Variants in GNAO1 observed in about 807,000 individuals in gnomAD.
GNAO1 encodes the protein guanine nucleotide-binding protein G(o) subunit alpha.
For missense variants in GNAO1, 166 were observed against 478.7 expected, an observed-to-expected ratio of 0.35 and a Z score of 6.10; for synonymous variants, 164 against 180.7, an observed-to-expected ratio of 0.91 and a Z score of 0.74.
At chr16:56,319,798 C>A (rs1489385067) in intron 3 of GNAO1, among the ~76,000 whole-genome samples, 1 of 152,106 alleles carries the variant, frequency 6.6e-6, no homozygotes, top group Non-Finnish European at 1.5e-5. Context: ...CCATGCTCCC[C>A]ACCCCTCTCA....
At chr16:56,294,144 C>A (rs2037259694) in intron 3 of GNAO1, among the ~76,000 whole-genome samples, 1 of 152,170 alleles carries the variant, frequency 6.6e-6, no homozygotes, top group Admixed American at 6.5e-5. Context: ...CTAGGCCAGG[C>A]TCTGCGAGGG....
At chr16:56,249,131 C>A (rs1456993084) in intron 2 of GNAO1, among the ~76,000 whole-genome samples, 1 of 152,104 alleles carries the variant, frequency 6.6e-6, no homozygotes, top group Non-Finnish European at 1.5e-5. Context: ...CAACAGATTT[C>A]CTTTCATATT....
intron 3 of GNAO1, chr16:56,302,974 C>A (rs910654895): frequency 6.6e-6 from 1 of 152,202 alleles, no homozygotes; most frequent in Non-Finnish European, 1.5e-5. Flanking sequence ...AATGCTGTGA[C>A]AAGGAACCAG....
At chr16:56,217,149 A>C (rs531137748) in intron 2 of GNAO1, among the ~76,000 whole-genome samples, 70 of 152,306 alleles carry the variant, frequency 4.6e-4, no homozygotes, top group Non-Finnish European at 9.3e-4. Flanking sequence ...TTGATTGGTA[A>C]GTTTTTTCAT....
chr16:56,309,706 G>A (rs1337873498), intron 3 of GNAO1, among the ~76,000 whole-genome samples: 2 of 152,184 alleles, frequency 1.3e-5, no homozygotes, highest in Non-Finnish European at 2.9e-5. Flanking sequence ...CCTGTTTCCA[G>A]TCCCACCACC....
chr16:56,329,750 AT>A lies in GNAO1; in HGVS notation c.464+960del, dbSNP rs1362644630. Among the ~76,000 whole-genome samples the A allele has an allele frequency of 9.8e-5, 15 of 152,298 alleles. No individual in the cohort carries two copies. In the East Asian group the frequency reaches 2.7e-3, roughly 27 times the overall value. ...CACTAGCTGGGAAGATTCTGACATG[AT>A]CCAGTCCAGCCATTTTCACCAGGTC... On this transcript the variant is annotated intron_variant, in intron 4 of 8. Transcript: ENST00000262493.
At chr16:56,339,758 C>A in intron 6 of GNAO1, 1 of 153,336 alleles carries the variant, frequency 6.5e-6, no homozygotes, top group Non-Finnish European at 1.5e-5. Context: ...ACGGTCGCCT[C>A]CACTGCCTGC....
chr16:56,300,036 T>TGTGTGTGTGTGTGTGTGTGTGTGCGC (rs753591618), intron 3 of GNAO1, among the ~76,000 whole-genome samples: 3 of 95,112 alleles, frequency 3.2e-5, no homozygotes, highest in African/African-American at 9.5e-5. Flanking sequence ...TGTGTGTGTG[T>TGTGTGTGTGTGTGTGTGTGTGTGCGC]GCGCGCGCGC....
intron 2 of GNAO1, chr16:56,213,433 A>G (rs1278160336): frequency 2.5e-6 from 1 of 397,892 alleles, no homozygotes; most frequent in African/African-American, 2.1e-5. Flanking sequence ...TCAGCTGGTG[A>G]CAAGTGCTAT....
At chr16:56,289,330 T>C (rs2037207333) in intron 3 of GNAO1, among the ~76,000 whole-genome samples, 7 of 152,094 alleles carry the variant, frequency 4.6e-5, no homozygotes. Flanking sequence ...ATGAGAGTGG[T>C]TCAGGGTTGT....
intron 3 of GNAO1, among the ~76,000 whole-genome samples, chr16:56,304,995 C>G (rs924217861): frequency 3.3e-5 from 5 of 152,210 alleles, no homozygotes; most frequent in Non-Finnish European, 7.3e-5. Flanking sequence ...TTATTCTGCT[C>G]CCCCTGTGAC....
chr16:56,272,194 A>G (rs1344787531), intron 2 of GNAO1, among the ~76,000 whole-genome samples: 1 of 152,178 alleles, frequency 6.6e-6, no homozygotes, highest in African/African-American at 2.4e-5. Context: ...CTGTAGTCCC[A>G]GCTACTTGGG....
rs146353332 is a variant in GNAO1 at position 56,283,678 on chromosome 16, T to C, written c.303+7606T>C. ...CCCCTGGGGCTTAGAGATACTTTAG[T>C]GGTAGTTGTTAGATCTGACGAGGGC... On this transcript the variant is annotated intron_variant, in intron 3 of 8. Coordinates refer to ENST00000262493, the MANE Select transcript of GNAO1 (RefSeq NM_020988.3). Among the ~76,000 whole-genome samples, 689 of 152,206 alleles carry C rather than the reference T, an allele frequency of 4.5e-3. 10 individuals are homozygous for C. Among genetic ancestry groups the C allele is most frequent in the African/African-American group, 0.015 (635 of 41,528 alleles).
intron 4 of GNAO1, among the ~76,000 whole-genome samples, chr16:56,329,545 T>C (rs77947838): frequency 0.013 from 2,010 of 152,288 alleles, 47 homozygotes; most frequent in African/African-American, 0.046. Context: ...GCCCTTGGCC[T>C]CTAGATTGGA....
intron 6 of GNAO1, among the ~76,000 whole-genome samples, chr16:56,337,120 CT>C (rs1198840974): frequency 1.2e-4 from 19 of 152,200 alleles, no homozygotes; most frequent in African/African-American, 4.3e-4. Context: ...GAATGTGCCT[CT>C]TCCATAAACT....
At chr16:56,236,131 C>A (rs1567449309) in intron 2 of GNAO1, among the ~76,000 whole-genome samples, 1 of 152,130 alleles carries the variant, frequency 6.6e-6, no homozygotes. Flanking sequence ...TGAGATCTTT[C>A]CTAAAGATGA....
At chr16:56,236,149 G>A (rs1295936895) in intron 2 of GNAO1, among the ~76,000 whole-genome samples, 1 of 152,218 alleles carries the variant, frequency 6.6e-6, no homozygotes, top group Non-Finnish European at 1.5e-5. Context: ...TGATGAACTG[G>A]TTGACCTTTG....
rs2036489992 is a variant in GNAO1 at position 56,221,661 on chromosome 16, A to C, written c.161+29045A>C. On this transcript the variant is annotated intron_variant, in intron 2 of 8. Transcript: ENST00000262493. Reference sequence around the variant, plus strand: ...AAGGAGACTGCATCTCAAAAAAAAAAAAAAAAAAAAAAACATGGGACCAGA... The same window carrying C: ...AAGGAGACTGCATCTCAAAAAAAAACAAAAAAAAAAAAACATGGGACCAGA... Among the ~76,000 whole-genome samples the C allele has an allele frequency of 2.6e-5, 4 of 151,774 alleles. No individual in the cohort carries two copies. The South Asian group carries it at 8.3e-4, about 32-fold the overall frequency.
intron 2 of GNAO1, among the ~76,000 whole-genome samples, chr16:56,228,625 G>C (rs2036557508): frequency 6.6e-6 from 1 of 152,206 alleles, no homozygotes; most frequent in Non-Finnish European, 1.5e-5. Context: ...ACCAGGAGCT[G>C]TAAGTAATTG....
Sources: allele counts gnomAD v4.1 joint callset (sites outside exome capture counted in the v4.1 genomes callset), GRCh38; gene constraint gnomAD v4.1.1; transcripts MANE v1.5; gene names NCBI Gene and HGNC (gene_info 2026-07-23, HGNC 2026-07-21).